The following NPAS3 variants were observed in gnomAD, a reference collection of about 807,000 sequenced individuals.
NPAS3 encodes neuronal PAS domain-containing protein 3.
Under a neutral mutation model 73.1 loss-of-function variants are expected in NPAS3, and 14 were observed. The ratio of observed to expected loss-of-function variants is 0.19; its 90% CI spans 0.13 to 0.30. NPAS3 has a LOEUF of 0.30. NPAS3 is among the 10% of genes least tolerant of loss of function. NPAS3 has a pLI of 1.00. For missense variants in NPAS3, 1,096 were observed against 1,250.0 expected (o/e 0.88, Z 1.86); for synonymous variants, 620 against 541.5 (o/e 1.14, Z -2.01).
At chr14:33,456,432 G>A (rs1280726027) in intron 4 of NPAS3, among the ~76,000 whole-genome samples, 1 of 152,064 alleles carries the variant, frequency 6.6e-6, no homozygotes, top group Non-Finnish European at 1.5e-5. Context: ...TTTTAAAATG[G>A]GGCAGCTCTT....
intron 6 of NPAS3, among the ~76,000 whole-genome samples, chr14:33,701,036 A>G (rs12148012): frequency 0.099 from 15,082 of 152,262 alleles, 965 homozygotes; most frequent in Middle Eastern, 0.18. Flanking sequence ...CAAAGAATTT[A>G]AGGGCGTCCG....
intron 4 of NPAS3, among the ~76,000 whole-genome samples, chr14:33,430,666 T>C (rs1224963904): frequency 6.6e-6 from 1 of 152,192 alleles, no homozygotes; most frequent in Non-Finnish European, 1.5e-5. Flanking sequence ...TGGCATCAGA[T>C]CTCCTCAGAC....
intron 6 of NPAS3, among the ~76,000 whole-genome samples, chr14:33,720,390 C>G (rs575502327): frequency 6.6e-6 from 1 of 152,074 alleles, no homozygotes; most frequent in Non-Finnish European, 1.5e-5. Flanking sequence ...TATCCAGGAA[C>G]GTATAATTAA....
chr14:33,790,091 CCT>C (rs202017700), intron 9 of NPAS3, among the ~76,000 whole-genome samples: 1 of 150,760 alleles, frequency 6.6e-6, no homozygotes, highest in Admixed American at 6.6e-5. Context: ...TAGAATCTCT[CCT>C]TCTAGTTCCT....
intron 1 of NPAS3, among the ~76,000 whole-genome samples, chr14:32,966,538 C>G (rs545152783): frequency 3.6e-4 from 55 of 152,212 alleles, no homozygotes; most frequent in East Asian, 2.9e-3. Context: ...TCACCACTTA[C>G]AAAAATTAAC....
In NPAS3 at chr14:33,797,469, C is replaced by T. The variant is rs754663563; in HGVS notation, c.1314C>T (p.Tyr438=). 7.4e-6 allele frequency: 12 copies of T among 1,614,068 alleles called. No individual in the cohort carries two copies. In the African/African-American group the frequency reaches 1.2e-4, roughly 16 times the overall value. ...CTCCCTTCCACAGCAATCCTGAGTA[C>T]AAGGACACACCCATGGACATCGCAC... The change falls in exon 11 of 12, where the codon TAC becomes TAT. Residue 438 remains tyrosine, a synonymous_variant. Coordinates refer to ENST00000356141, the Ensembl canonical transcript of NPAS3.
At chr14:33,211,577 T>G (rs28612793) in intron 2 of NPAS3, among the ~76,000 whole-genome samples, 1 of 152,068 alleles carries the variant, frequency 6.6e-6, no homozygotes, top group Non-Finnish European at 1.5e-5. Context: ...ATGACAGACA[T>G]TAGATTATTA....
intron 1 of NPAS3, among the ~76,000 whole-genome samples, chr14:32,946,586 G>A (rs148198399): frequency 3.9e-5 from 6 of 152,132 alleles, no homozygotes; most frequent in East Asian, 1.9e-4. Context: ...TTATCTTTAC[G>A]TTTTTGGATG....
chr14:33,247,243 A>G (rs969762995), intron 3 of NPAS3, among the ~76,000 whole-genome samples: 1 of 152,042 alleles, frequency 6.6e-6, no homozygotes, highest in African/African-American at 2.4e-5. Flanking sequence ...TTTAATTTTA[A>G]TTTTTTTAGC....
intron 7 of NPAS3, among the ~76,000 whole-genome samples, chr14:33,743,845 A>G (rs1410426771): frequency 6.6e-6 from 1 of 152,206 alleles, no homozygotes; most frequent in Non-Finnish European, 1.5e-5. Flanking sequence ...TGTTATGGAG[A>G]TGGCTTCTTT....
At chr14:33,333,766 C>T (rs1395636745) in intron 3 of NPAS3, among the ~76,000 whole-genome samples, 1 of 152,156 alleles carries the variant, frequency 6.6e-6, no homozygotes, top group Non-Finnish European at 1.5e-5. Flanking sequence ...CTAGATGTGA[C>T]ATAACTAAAT....
intron 3 of NPAS3, among the ~76,000 whole-genome samples, chr14:33,268,556 A>T (rs183839147): frequency 6.6e-6 from 1 of 151,830 alleles, no homozygotes; most frequent in Admixed American, 6.6e-5. Context: ...TTTGCATTCA[A>T]ATGTAACCAC....
intron 4 of NPAS3, among the ~76,000 whole-genome samples, chr14:33,546,338 C>T (rs752675865): frequency 3.9e-5 from 6 of 152,200 alleles, no homozygotes; most frequent in African/African-American, 9.7e-5. Flanking sequence ...CCTCCAACAC[C>T]GCAACACTTC....
chr14:33,033,669 G>A (rs1353110891), intron 1 of NPAS3, among the ~76,000 whole-genome samples: 3 of 152,048 alleles, frequency 2.0e-5, no homozygotes, highest in Non-Finnish European at 4.4e-5. Context: ...CTCTCTAAGA[G>A]CTGTCATACA....
intron 10 of NPAS3, among the ~76,000 whole-genome samples, chr14:33,796,590 G>A (rs934707228): frequency 1.3e-5 from 2 of 152,114 alleles, no homozygotes; most frequent in Admixed American, 1.3e-4. Flanking sequence ...AAATCGAAGA[G>A]GCATTTCCCA....
At chr14:32,950,336 T>A (rs1189913269) in intron 1 of NPAS3, among the ~76,000 whole-genome samples, 1 of 152,066 alleles carries the variant, frequency 6.6e-6, no homozygotes, top group Non-Finnish European at 1.5e-5. Flanking sequence ...AAGCCCTGAA[T>A]TACAAAAGTA....
At chr14:33,358,378 G>A (rs28372977) in intron 3 of NPAS3, among the ~76,000 whole-genome samples, 1 of 152,126 alleles carries the variant, frequency 6.6e-6, no homozygotes, top group Non-Finnish European at 1.5e-5. Context: ...CAGTCCTTCA[G>A]GTTTCTAAGA....
At chr14:33,160,978 C>T (rs763271286) in intron 2 of NPAS3, among the ~76,000 whole-genome samples, 7 of 152,142 alleles carry the variant, frequency 4.6e-5, no homozygotes, top group Non-Finnish European at 1.0e-4. Flanking sequence ...ATACTTTGGA[C>T]AGCTTCAAAG....
intron 4 of NPAS3, among the ~76,000 whole-genome samples, chr14:33,432,268 T>C (rs571758105): frequency 1.2e-4 from 18 of 152,320 alleles, no homozygotes; most frequent in African/African-American, 4.1e-4. Flanking sequence ...TTCCCTTTAG[T>C]AAAATGTTCC....
Sources: gnomAD v4.1 joint callset for allele counts (sites outside exome capture counted in the v4.1 genomes callset) on GRCh38, gnomAD v4.1.1 for gene constraint, MANE v1.5 for transcripts, NCBI Gene and HGNC (gene_info 2026-07-23, HGNC 2026-07-21) for gene names.